ART3: variants seen among roughly 807,000 people sequenced by gnomAD.
ART3 encodes the protein ADP-ribosyltransferase 3 (inactive).
ART3 carries 49 observed loss-of-function variants against 48.5 expected under a neutral mutation model. The observed-to-expected ratio is 1.01, with a 90% CI of 0.80 to 1.28. The LOEUF is 1.28. Ranked by LOEUF, ART3 falls within the 50% of genes most tolerant of loss-of-function variation. The pLI is 0.00. For missense variants in ART3, 438 were observed against 454.3 expected (o/e 0.96, Z 0.33); for synonymous variants, 145 against 157.2 (o/e 0.92, Z 0.58).
chr4:76,093,332 G>T (rs1400793908), intron 3 of ART3, among the ~76,000 whole-genome samples: 1 of 152,146 alleles, frequency 6.6e-6, no homozygotes, highest in Non-Finnish European at 1.5e-5. Context: ...GATGGGCTGA[G>T]ATGGGAGGAT....
intron 1 of ART3, among the ~76,000 whole-genome samples, chr4:76,040,139 A>G (rs974576010): frequency 1.3e-5 from 2 of 152,204 alleles, no homozygotes; most frequent in Non-Finnish European, 2.9e-5. Context: ...AGCCTGGCCA[A>G]CATGGTGAAA....
At chr4:76,043,567 C>T (rs1735197465) in intron 1 of ART3, among the ~76,000 whole-genome samples, 1 of 152,116 alleles carries the variant, frequency 6.6e-6, no homozygotes, top group South Asian at 2.1e-4. Context: ...GCAGGGCTGG[C>T]CAGCTGTTCC....
At chr4:76,069,995 A>G (rs1434791754), upstream of ART3, among the ~76,000 whole-genome samples, 2 of 152,100 alleles carry the variant, frequency 1.3e-5, no homozygotes, top group Non-Finnish European at 2.9e-5. Flanking sequence ...TAGTAACCCT[A>G]TGTTTAACAT....
At chr4:76,102,000 G>C (rs1727430099) in intron 8 of ART3, among the ~76,000 whole-genome samples, 1 of 152,122 alleles carries the variant, frequency 6.6e-6, no homozygotes, top group African/African-American at 2.4e-5. Flanking sequence ...AGTGTCAAAA[G>C]ACAAAATTAC....
chr4:76,038,935 C>G (rs1734693887), intron 1 of ART3, among the ~76,000 whole-genome samples: 2 of 152,052 alleles, frequency 1.3e-5, no homozygotes, highest in Middle Eastern at 3.4e-3. Flanking sequence ...GTTGGCCAAG[C>G]TGGTCTTGAA....
At chr4:76,107,726 C>T (rs751515599) in intron 10 of ART3, 35 bp from the exon 11 acceptor site, 3 of 1,320,488 alleles carry the variant, frequency 2.3e-6, no homozygotes, top group African/African-American at 3.1e-5. Context: ...AACAGATATA[C>T]AATATAACTA....
At chr4:76,025,645 AC>A (rs1256746706) in intron 1 of ART3, among the ~76,000 whole-genome samples, 1 of 152,156 alleles carries the variant, frequency 6.6e-6, no homozygotes, top group African/African-American at 2.4e-5. Flanking sequence ...TATAAATGGA[AC>A]CACTTGAGTA....
chr4:76,032,218 A>ATT (rs35489296), intron 1 of ART3, among the ~76,000 whole-genome samples: 199 of 146,128 alleles, frequency 1.4e-3, no homozygotes, highest in Middle Eastern at 3.5e-3. Flanking sequence ...AACTCTGTGA[A>ATT]TTTTTTTTTT....
chr4:76,094,363 A>C (rs1180478995), intron 3 of ART3, among the ~76,000 whole-genome samples: 2 of 152,142 alleles, frequency 1.3e-5, no homozygotes, highest in Admixed American at 1.3e-4. Context: ...CATTAGATTG[A>C]GTTCTCTTGT....
intron 3 of ART3, among the ~76,000 whole-genome samples, chr4:76,084,013 A>T (rs1723031163): frequency 6.6e-6 from 1 of 152,072 alleles, no homozygotes; most frequent in Admixed American, 6.6e-5. Flanking sequence ...TCTGTGCTTA[A>T]ATCCCTCTTT....
intron 1 of ART3, among the ~76,000 whole-genome samples, chr4:76,050,339 G>A (rs992801592): frequency 2.6e-5 from 4 of 151,916 alleles, no homozygotes; most frequent in Non-Finnish European, 5.9e-5. Context: ...TAGACACAAA[G>A]GTTCTCCACA....
Position 76,112,307 on chromosome 4 carries a change from T to C in ART3, c.1037-79T>C, listed in dbSNP as rs956370633. 4.1e-6 allele frequency: 6 copies of C among 1,477,548 alleles called. No individual in the cohort carries two copies. The Admixed American group carries it at 1.1e-4, about 28-fold the overall frequency. 91.5% of individuals were successfully genotyped at this position (1,477,548 alleles called of 1,614,324 possible). A position where few individuals can be genotyped will look rare whatever the true frequency, so the allele number is the denominator to read the frequency against. On this transcript the variant is annotated intron_variant, in intron 11 of 11. Coordinates refer to ENST00000355810, the MANE Select transcript of ART3 (RefSeq NM_001130016.3). ...TTCAACTTTAGTGTCATTGTTTACA[T>C]ATTCAGGATATATTTTATAGGTGGA...
At chr4:76,035,252 A>G (rs1332569712) in intron 1 of ART3, 26 of 1,613,976 alleles carry the variant, frequency 1.6e-5, no homozygotes, top group Non-Finnish European at 2.2e-5. Context: ...ACTTGGGTAC[A>G]TTATGGAGGC....
At chr4:76,078,863 G>A (rs1721744095) in intron 2 of ART3, among the ~76,000 whole-genome samples, 2 of 152,124 alleles carry the variant, frequency 1.3e-5, no homozygotes, top group Non-Finnish European at 2.9e-5. Context: ...GGCAGATCAC[G>A]AGGTCGGGAG....
rs112138603 is a variant in ART3 at position 76,013,859 on chromosome 4, T to C, written c.-10+2539T>C. On this transcript the variant is annotated intron_variant, in intron 1 of 9. Transcript: ENST00000341029. ...GCACTAGAGACTAGTGTTAATTCCA[T>C]TTTCTTTACAAATTGATATTTTACT... 3.2e-3 allele frequency among the ~76,000 whole-genome samples: 486 copies of C among 152,344 alleles called. 4 individuals are homozygous for C. Among genetic ancestry groups the C allele is most frequent in the African/African-American group, 0.011 (462 of 41,576 alleles).
intron 3 of ART3, among the ~76,000 whole-genome samples, chr4:76,083,388 A>G (rs113260383): frequency 7.9e-5 from 12 of 152,292 alleles, no homozygotes; most frequent in South Asian, 2.1e-4. Context: ...TTGACTTCCT[A>G]CTACAGAGAA....
At chr4:76,051,925 CAG>C (rs1418343051) in intron 1 of ART3, among the ~76,000 whole-genome samples, 3 of 87,446 alleles carry the variant, frequency 3.4e-5, no homozygotes, top group Admixed American at 3.4e-4. Flanking sequence ...TTTTTTGAGA[CAG>C]AGTTTCGCTC....
rs186872030 is a variant in ART3 at position 76,112,726 on chromosome 4, T to C, written c.*207T>C. 1.8e-3 allele frequency: 793 copies of C among 447,422 alleles called. 2 individuals carry two copies. The highest frequency in any genetic ancestry group is 2.5e-3 in the Non-Finnish European group (666 of 263,774). The allele number at this position is 447,422 out of a possible 1,614,324, so 27.7% of individuals were successfully genotyped here. On this transcript the variant is annotated 3_prime_UTR_variant, in exon 12 of 12. Transcript: ENST00000355810. Reference sequence around the variant, plus strand: ...TTTCACTTGTATACTACTCTTACAATGGAAAAAAATCCCGAAAACTGTATA... The same window carrying C: ...TTTCACTTGTATACTACTCTTACAACGGAAAAAAATCCCGAAAACTGTATA...
At position 76,045,514 on chromosome 4, in the gene ART3, A is replaced by G. The variant is rs563483886; in HGVS notation, c.-9-30367A>G. Among the ~76,000 whole-genome samples the G allele has an allele frequency of 5.3e-5, 8 of 152,084 alleles. 1 individual carries two copies. In the South Asian group the frequency reaches 1.7e-3, roughly 32 times the overall value. ...GCCGCTGCTGCAACTACCCTTAAAC[A>G]GTGAGGCCAGCCTTTGGCTACTACA... On this transcript the variant is annotated intron_variant, in intron 1 of 9. Coordinates refer to the ART3 transcript ENST00000341029.
Sources: allele counts gnomAD v4.1 joint callset (sites outside exome capture counted in the v4.1 genomes callset), GRCh38; gene constraint gnomAD v4.1.1; transcripts MANE v1.5; gene names NCBI Gene and HGNC (gene_info 2026-07-23, HGNC 2026-07-21).